Variants in RGS9 observed in about 807,000 individuals in gnomAD.
RGS9 encodes regulator of G protein signaling 9.
RGS9 carries 78 observed loss-of-function variants against 102.0 expected under a neutral mutation model. The observed-to-expected ratio is 0.76, with a 90% CI of 0.64 to 0.92. RGS9 has a LOEUF of 0.92. RGS9 is among the 40% of genes least tolerant of loss of function. The pLI is 0.00. For synonymous variants in RGS9, 353 were observed against 318.6 expected, an observed-to-expected ratio of 1.11 and a Z score of -1.15; for missense variants, 833 against 866.1, an observed-to-expected ratio of 0.96 and a Z score of 0.48.
chr17:65,162,691 G>C (rs1205478443), intron 6 of RGS9, among the ~76,000 whole-genome samples: 1 of 151,118 alleles, frequency 6.6e-6, no homozygotes. Flanking sequence ...TGATGGTCTC[G>C]ATCTCCTGAC....
intron 1 of RGS9, among the ~76,000 whole-genome samples, chr17:65,140,478 G>A (rs1177386491): frequency 6.6e-6 from 1 of 152,208 alleles, no homozygotes; most frequent in Non-Finnish European, 1.5e-5. Context: ...GGTAGTGGGT[G>A]CCTATGGGCC....
intron 2 of RGS9, among the ~76,000 whole-genome samples, chr17:65,155,454 A>G (rs911424771): frequency 5.9e-5 from 9 of 152,164 alleles, no homozygotes; most frequent in African/African-American, 1.9e-4. Context: ...TTGTGTGGAG[A>G]GTGAAGGATT....
intron 13 of RGS9, among the ~76,000 whole-genome samples, chr17:65,200,356 A>G (rs1003663015): frequency 6.6e-6 from 1 of 152,168 alleles, no homozygotes; most frequent in African/African-American, 2.4e-5. Flanking sequence ...TTTAAGGCCA[A>G]ATGATATTCC....
chr17:65,162,036 C>T (rs890289101), intron 6 of RGS9, among the ~76,000 whole-genome samples: 13 of 152,122 alleles, frequency 8.5e-5, no homozygotes, highest in Middle Eastern at 3.4e-3. Flanking sequence ...TCAGAAAGGC[C>T]GGTTTATCTT....
chr17:65,215,848 AC>A (rs1913507990), intron 17 of RGS9, among the ~76,000 whole-genome samples: 1 of 152,148 alleles, frequency 6.6e-6, no homozygotes, highest in African/African-American at 2.4e-5. Context: ...GGTGTGAGCC[AC>A]TGCGCCTGGC....
chr17:65,199,488 C>CTTTT (rs3034101), intron 13 of RGS9, among the ~76,000 whole-genome samples: 29 of 108,324 alleles, frequency 2.7e-4, no homozygotes, highest in Non-Finnish European at 4.4e-4. Context: ...GCTTCTGTTC[C>CTTTT]TTTTTTTTTT....
intron 14 of RGS9, among the ~76,000 whole-genome samples, chr17:65,203,064 CT>C (rs1225633506): frequency 3.9e-5 from 6 of 152,260 alleles, no homozygotes; most frequent in Non-Finnish European, 5.9e-5. Flanking sequence ...CAAACAGCCC[CT>C]TCCCTCTGAG....
intron 2 of RGS9, among the ~76,000 whole-genome samples, 168 bp from the exon 3 acceptor site, chr17:65,158,127 C>CA (rs1287992487): frequency 6.6e-6 from 1 of 152,056 alleles, no homozygotes; most frequent in Non-Finnish European, 1.5e-5. Flanking sequence ...GAATTACAGG[C>CA]TGCAGAGCTG....
intron 1 of RGS9, among the ~76,000 whole-genome samples, chr17:65,144,277 G>A (rs2143953303): frequency 6.6e-6 from 1 of 152,270 alleles, no homozygotes; most frequent in Admixed American, 6.5e-5. Flanking sequence ...GCCTTCTCCA[G>A]CTTAAAGGAA....
At chr17:65,156,629 C>CGTGGTACAGATGCTG (rs1280539630) in intron 2 of RGS9, among the ~76,000 whole-genome samples, 2 of 152,200 alleles carry the variant, frequency 1.3e-5, no homozygotes, top group African/African-American at 4.8e-5. Context: ...ACGTAGACCG[C>CGTGGTACAGATGCTG]GTGGTACAGA....
chr17:65,167,165 C>T (rs1471006584), intron 7 of RGS9, among the ~76,000 whole-genome samples: 2 of 152,058 alleles, frequency 1.3e-5, no homozygotes, highest in Non-Finnish European at 2.9e-5. Context: ...GGGAGAGAGA[C>T]TGAGAGATAA....
At chr17:65,190,331 T>TGAAG in intron 11 of RGS9, 95 bp downstream of exon 11, 1 of 981,232 alleles carries the variant, frequency 1.0e-6, no homozygotes, top group Non-Finnish European at 1.7e-6. Context: ...GCTGACAGAC[T>TGAAG]GAAGATTCAG....
In RGS9 at chr17:65,216,578, A is replaced by T. The variant is rs144530973; in HGVS notation, c.1407+5973A>T. Among the ~76,000 whole-genome samples the T allele has an allele frequency of 8.5e-5, 13 of 152,330 alleles. 1 individual carries two copies. In the East Asian group the frequency reaches 2.5e-3, roughly 29 times the overall value. On this transcript the variant is annotated intron_variant, in intron 17 of 18. Coordinates refer to ENST00000262406, the MANE Select transcript of RGS9 (RefSeq NM_003835.4). ...CTTGAACCCGGGAGGCAGAAGTTGC[A>T]GCGAGCTGAGATCGCGCCACTGCAC...
At chr17:65,216,233 C>T (rs1279734044) in intron 17 of RGS9, among the ~76,000 whole-genome samples, 2 of 152,078 alleles carry the variant, frequency 1.3e-5, no homozygotes, top group Non-Finnish European at 2.9e-5. Context: ...CACAGTGAAC[C>T]GTGGATGACT....
intron 9 of RGS9, chr17:65,185,513 A>G (rs370591397): frequency 6.5e-6 from 1 of 152,866 alleles, no homozygotes; most frequent in Non-Finnish European, 1.5e-5. Context: ...CACACATTCC[A>G]CAGCCACTGT....
chr17:65,181,849 TGTGTAGTGTCTAGAATGCTA>T (rs1911896990), intron 9 of RGS9, among the ~76,000 whole-genome samples: 1 of 152,250 alleles, frequency 6.6e-6, no homozygotes, highest in Admixed American at 6.5e-5. Flanking sequence ...GGATCACTTA[TGTGTAGTGTCTAGAATGCTA>T]ATCAACACGT....
intron 8 of RGS9, 25 bp downstream of exon 8, chr17:65,168,306 C>T (rs1045524156): frequency 1.3e-6 from 2 of 1,544,074 alleles, no homozygotes; most frequent in African/African-American, 1.4e-5. Context: ...GCCTGGTGTC[C>T]TCTGTCTCTT....
intron 1 of RGS9, among the ~76,000 whole-genome samples, chr17:65,140,984 C>A (rs1401736703): frequency 6.6e-6 from 1 of 152,170 alleles, no homozygotes; most frequent in African/African-American, 2.4e-5. Context: ...TGTGCCCCTG[C>A]AGCTCCAACC....
rs374141415 is a variant in RGS9, at chr17:65,160,540, C to T, written c.317C>T (p.Pro106Leu). Residue 106 changes from proline to leucine, a missense_variant, in exon 5 of 19, where the codon CCG (proline) becomes CTG (leucine). Pro to Leu is a moderately conservative substitution (Grantham distance 98). Coordinates refer to ENST00000262406, the MANE Select transcript of RGS9 (RefSeq NM_003835.4). The part of the protein sequence containing the change: ...PDGSLYRFQT[P>L]YFWPTQQWPA... ...TTTCCCTGGTTTCTTTTGCAGACAC[C>T]GTATTTCTGGCCCACCCAGCAGTGG... 1.5e-5 allele frequency: 25 copies of T among 1,614,158 alleles called. No homozygotes were observed. In the Middle Eastern group the frequency reaches 8.2e-4, roughly 53 times the overall value.
Sources: gnomAD v4.1 joint callset for allele counts (sites outside exome capture counted in the v4.1 genomes callset) on GRCh38, gnomAD v4.1.1 for gene constraint, MANE v1.5 for transcripts, NCBI Gene and HGNC (gene_info 2026-07-23, HGNC 2026-07-21) for gene names.